AKAP19: variants seen among roughly 807,000 people sequenced by gnomAD.
The protein encoded by AKAP19 is A-kinase anchoring protein 19, also known as small A-kinase anchoring protein.
chr2:189,943,408 G>T, the AKAP19 span, among the ~76,000 whole-genome samples: 1 of 152,206 alleles, frequency 6.6e-6, no homozygotes, highest in African/African-American at 2.4e-5. Context: ...AATGAGGCTT[G>T]GCAACTTCTG....
chr2:189,970,496 T>C, the AKAP19 span, among the ~76,000 whole-genome samples: 8 of 152,212 alleles, frequency 5.3e-5, no homozygotes, highest in African/African-American at 1.9e-4. Flanking sequence ...GTATGTATTC[T>C]TCCACAGCTT....
the AKAP19 span, among the ~76,000 whole-genome samples, chr2:190,021,040 C>T: frequency 4.6e-5 from 7 of 152,126 alleles, no homozygotes; most frequent in Non-Finnish European, 1.0e-4. Flanking sequence ...TCAATGAACA[C>T]TTGAGTTACT....
the AKAP19 span, among the ~76,000 whole-genome samples, chr2:189,960,933 TG>T: frequency 6.6e-6 from 1 of 152,226 alleles, no homozygotes; most frequent in Non-Finnish European, 1.5e-5. Flanking sequence ...ACAAAATGTA[TG>T]CCCATTCTAC....
chr2:189,956,439 G>T, the AKAP19 span, among the ~76,000 whole-genome samples: 3 of 151,970 alleles, frequency 2.0e-5, no homozygotes, highest in East Asian at 5.8e-4. Context: ...AAAGTGCTGG[G>T]ATTACAGGCG....
the AKAP19 span, among the ~76,000 whole-genome samples, chr2:190,008,031 A>G: frequency 1.3e-5 from 2 of 152,206 alleles, no homozygotes; most frequent in South Asian, 2.1e-4. Flanking sequence ...AGTCTTAGCC[A>G]TACTCATTAC....
the AKAP19 span, among the ~76,000 whole-genome samples, chr2:190,019,794 G>T: frequency 8.5e-5 from 13 of 152,278 alleles, no homozygotes; most frequent in South Asian, 2.7e-3. Flanking sequence ...GCTGTGCCAA[G>T]TTGGGGAGGT....
At chr2:190,029,976 CA>C in the AKAP19 span, among the ~76,000 whole-genome samples, 4 of 152,036 alleles carry the variant, frequency 2.6e-5, no homozygotes, top group African/African-American at 9.7e-5. Context: ...TTTTTATAGG[CA>C]CTAGGAAATG....
chr2:189,917,104 T>C, the AKAP19 span: 2 of 347,228 alleles, frequency 5.8e-6, no homozygotes, highest in Non-Finnish European at 1.1e-5. Context: ...GTAACTCTTA[T>C]AGCACAAACC....
At chr2:189,990,993 A>G in the AKAP19 span, among the ~76,000 whole-genome samples, 2 of 151,894 alleles carry the variant, frequency 1.3e-5, no homozygotes, top group Non-Finnish European at 2.9e-5. Context: ...ATGGTCTCCA[A>G]CTCCATCCAG....
the AKAP19 span, among the ~76,000 whole-genome samples, chr2:189,949,652 T>A: frequency 1.3e-5 from 2 of 148,162 alleles, no homozygotes; most frequent in Non-Finnish European, 3.0e-5. Context: ...TTTTTTTTTT[T>A]AGAGATGAGT....
At chr2:190,117,723 C>T in the AKAP19 span, among the ~76,000 whole-genome samples, 1 of 152,192 alleles carries the variant, frequency 6.6e-6, no homozygotes, top group Non-Finnish European at 1.5e-5. Flanking sequence ...GCATAAAATA[C>T]TATCTCTTAT....
the AKAP19 span, among the ~76,000 whole-genome samples, chr2:190,041,241 G>A: frequency 2.6e-5 from 4 of 152,030 alleles, no homozygotes; most frequent in East Asian, 7.7e-4. Flanking sequence ...CTTCTTTCTG[G>A]TTAGCTGTAT....
At chr2:190,113,228 T>C in the AKAP19 span, among the ~76,000 whole-genome samples, 1 of 152,186 alleles carries the variant, frequency 6.6e-6, no homozygotes, top group African/African-American at 2.4e-5. Context: ...TGAAGTCTTT[T>C]GAAATTTTCC....
chr2:189,882,343 C>T, the AKAP19 span, among the ~76,000 whole-genome samples: 10 of 152,268 alleles, frequency 6.6e-5, no homozygotes, highest in East Asian at 1.5e-3. Context: ...GTTAAGGATA[C>T]ACTTGTGACA....
At chr2:189,953,181 G>A in the AKAP19 span, among the ~76,000 whole-genome samples, 1 of 152,042 alleles carries the variant, frequency 6.6e-6, no homozygotes, top group African/African-American at 2.4e-5. Context: ...CATCTAAAAG[G>A]GCTTTACTCA....
chr2:190,008,099 G>C, the AKAP19 span, among the ~76,000 whole-genome samples: 1 of 152,186 alleles, frequency 6.6e-6, no homozygotes, highest in African/African-American at 2.4e-5. Flanking sequence ...AACCAAAGCA[G>C]TAAAGTTTAC....
chr2:190,195,941 CTTT>C, the AKAP19 span, among the ~76,000 whole-genome samples: 31 of 86,192 alleles, frequency 3.6e-4, no homozygotes, highest in Middle Eastern at 0.01. Context: ...CTGTGTCCAG[CTTT>C]TTTTTTTTTT....
the AKAP19 span, chr2:190,062,669 T>C: frequency 4.1e-6 from 6 of 1,479,972 alleles, no homozygotes; most frequent in African/African-American, 2.8e-5. Flanking sequence ...TTTTGAGTAA[T>C]GCCAAGCAAA....
At chr2:189,958,459 G>A in the AKAP19 span, among the ~76,000 whole-genome samples, 2 of 150,050 alleles carry the variant, frequency 1.3e-5, no homozygotes, top group Admixed American at 6.6e-5. Context: ...AAAATAATTT[G>A]ACATAAATAA....
Sources: gnomAD v4.1 joint callset for allele counts (sites outside exome capture counted in the v4.1 genomes callset) on GRCh38, gnomAD v4.1.1 for gene constraint, MANE v1.5 for transcripts, NCBI Gene and HGNC (gene_info 2026-07-23, HGNC 2026-07-21) for gene names.